DLG2: variants seen among roughly 807,000 people sequenced by gnomAD.
The protein encoded by DLG2 is disks large homolog 2.
DLG2 carries 45 observed loss-of-function variants against 132.5 expected under a neutral mutation model. The observed-to-expected ratio is 0.34, with a 90% CI of 0.27 to 0.44. The LOEUF (loss-of-function observed/expected upper bound fraction) is 0.44, where lower values mean the gene tolerates loss of function less well. Ranked by LOEUF, DLG2 falls within the 20% of genes least tolerant of loss-of-function variation. The probability of loss-of-function intolerance (pLI) is 1.00; values close to 1 mark genes in which losing one functional copy is unlikely to be tolerated. For missense variants in DLG2, 1,045 were observed against 1,196.9 expected (o/e 0.87, Z 1.87); for synonymous variants, 424 against 419.6 (o/e 1.01, Z -0.13).
At chr11:85,066,715 G>GA (rs1254542336) in intron 6 of DLG2, among the ~76,000 whole-genome samples, 4 of 151,496 alleles carry the variant, frequency 2.6e-5, no homozygotes, top group Non-Finnish European at 4.4e-5. Flanking sequence ...AACAGACACC[G>GA]AAAAAGCATT....
At chr11:85,355,393 A>C (rs1033254108) in intron 3 of DLG2, among the ~76,000 whole-genome samples, 1 of 152,090 alleles carries the variant, frequency 6.6e-6, no homozygotes, top group Non-Finnish European at 1.5e-5. Flanking sequence ...TTTTCCAAAA[A>C]TACCTATCTT....
intron 9 of DLG2, among the ~76,000 whole-genome samples, chr11:84,125,150 T>G (rs768486312): frequency 6.6e-6 from 1 of 152,096 alleles, no homozygotes; most frequent in African/African-American, 2.4e-5. Flanking sequence ...GTGCCTGGCC[T>G]GTTTTCACTT....
chr11:84,217,056 A>T (rs2096845212), intron 8 of DLG2, among the ~76,000 whole-genome samples: 1 of 152,352 alleles, frequency 6.6e-6, no homozygotes, highest in South Asian at 2.1e-4. Flanking sequence ...ATCAATAGAT[A>T]AGACTTAGCA....
At chr11:83,739,130 C>A (rs989078790) in intron 18 of DLG2, among the ~76,000 whole-genome samples, 1 of 151,990 alleles carries the variant, frequency 6.6e-6, no homozygotes, top group Non-Finnish European at 1.5e-5. Context: ...CTTCACTGTG[C>A]CCCCATTTGA....
chr11:84,296,752 TGAGA>T (rs945581662), intron 7 of DLG2, among the ~76,000 whole-genome samples: 1 of 151,202 alleles, frequency 6.6e-6, no homozygotes, highest in African/African-American at 2.4e-5. Context: ...TATTTCAACT[TGAGA>T]GAGAGAGAGA....
chr11:85,063,831 AACTTC>A (rs760985694), intron 6 of DLG2, among the ~76,000 whole-genome samples: 56 of 151,944 alleles, frequency 3.7e-4, no homozygotes, highest in Non-Finnish European at 6.3e-4. Flanking sequence ...TGGTACCAGA[AACTTC>A]ACTTCAACAA....
chr11:83,792,827 G>A (rs1364052868), intron 17 of DLG2, among the ~76,000 whole-genome samples: 1 of 152,104 alleles, frequency 6.6e-6, no homozygotes, highest in African/African-American at 2.4e-5. Flanking sequence ...AAGTTGTTGA[G>A]TAAAGGATAT....
At chr11:84,211,712 T>C (rs940041668) in intron 8 of DLG2, among the ~76,000 whole-genome samples, 4 of 152,252 alleles carry the variant, frequency 2.6e-5, no homozygotes, top group Non-Finnish European at 4.4e-5. Context: ...ATTATAACTA[T>C]GTTTAAAACT....
intron 9 of DLG2, among the ~76,000 whole-genome samples, chr11:84,125,498 G>A (rs1411206172): frequency 1.3e-5 from 2 of 152,204 alleles, no homozygotes; most frequent in African/African-American, 4.8e-5. Flanking sequence ...TTTAGAAGAT[G>A]TAGTTATGAT....
chr11:84,373,232 T>G (rs1219973339), intron 7 of DLG2, among the ~76,000 whole-genome samples: 24 of 35,488 alleles, frequency 6.8e-4, no homozygotes, highest in African/African-American at 2.0e-3. Flanking sequence ...CTTTGTTTTT[T>G]CCAATTAAGA....
At chr11:84,402,078 A>G (rs903146623) in intron 7 of DLG2, among the ~76,000 whole-genome samples, 2 of 152,212 alleles carry the variant, frequency 1.3e-5, no homozygotes, top group Non-Finnish European at 2.9e-5. Context: ...GAGTTTTCAG[A>G]TAAGCCATGC....
At chr11:84,386,300 A>AGAT (rs1218181940) in intron 7 of DLG2, among the ~76,000 whole-genome samples, 7 of 152,018 alleles carry the variant, frequency 4.6e-5, no homozygotes, top group Non-Finnish European at 1.0e-4. Flanking sequence ...TGAAAAATGA[A>AGAT]GATTTAGTTA....
At chr11:84,056,182 C>T (rs1328785482) in intron 11 of DLG2, among the ~76,000 whole-genome samples, 1 of 151,886 alleles carries the variant, frequency 6.6e-6, no homozygotes, top group Non-Finnish European at 1.5e-5. Flanking sequence ...GGTTTTAAGC[C>T]CCGTGTGCAT....
intron 4 of DLG2, among the ~76,000 whole-genome samples, chr11:85,278,775 CT>C (rs2078051810): frequency 6.6e-6 from 1 of 152,220 alleles, no homozygotes; most frequent in Non-Finnish European, 1.5e-5. Flanking sequence ...CTCTAGTACT[CT>C]AGTAAAAATC....
chr11:85,330,482 A>G (rs1432016599), intron 3 of DLG2, among the ~76,000 whole-genome samples: 3 of 52,676 alleles, frequency 5.7e-5, no homozygotes, highest in East Asian at 1.2e-3. Flanking sequence ...TTGTAGGGAC[A>G]TGGATGAAAT....
At chr11:85,601,895 T>C (rs1565744899) in intron 2 of DLG2, among the ~76,000 whole-genome samples, 1 of 152,244 alleles carries the variant, frequency 6.6e-6, no homozygotes, top group Non-Finnish European at 1.5e-5. Context: ...CCCTGGATAA[T>C]CTTACCCAGT....
At chr11:83,613,847 G>A (rs891039768) in intron 19 of DLG2, among the ~76,000 whole-genome samples, 1 of 152,168 alleles carries the variant, frequency 6.6e-6, no homozygotes, top group African/African-American at 2.4e-5. Flanking sequence ...CACTAGCAAA[G>A]CTTTAAAAAC....
At chr11:83,789,233 G>C (rs1254452101) in intron 17 of DLG2, among the ~76,000 whole-genome samples, 1 of 152,140 alleles carries the variant, frequency 6.6e-6, no homozygotes, top group Non-Finnish European at 1.5e-5. Flanking sequence ...TTCATCTTCA[G>C]TGTATACGTA....
intron 7 of DLG2, among the ~76,000 whole-genome samples, chr11:84,525,095 C>T (rs1303980174): frequency 2.6e-5 from 4 of 152,084 alleles, no homozygotes; most frequent in Non-Finnish European, 5.9e-5. Flanking sequence ...CCCCAAAGCC[C>T]ATATATGGTG....
Sources: allele counts gnomAD v4.1 joint callset (sites outside exome capture counted in the v4.1 genomes callset), GRCh38; gene constraint gnomAD v4.1.1; transcripts MANE v1.5; gene names NCBI Gene and HGNC (gene_info 2026-07-23, HGNC 2026-07-21).